The following MCM9 variants were observed in gnomAD, a reference collection of about 807,000 sequenced individuals.
The protein encoded by MCM9 is minichromosome maintenance 9 homologous recombination repair factor.
In MCM9, 55 loss-of-function variants were observed where a neutral mutation model predicts 72.8. That is an observed-to-expected ratio of 0.76 (90% CI 0.61 to 0.95). The LOEUF (loss-of-function observed/expected upper bound fraction) is 0.95. MCM9 is among the 40% of genes least tolerant of loss of function. The pLI, the probability that MCM9 is intolerant of heterozygous loss-of-function variation, is 0.00. For synonymous variants in MCM9, 480 were observed against 503.4 expected (o/e 0.95, Z 0.62); for missense variants, 1,279 against 1,377.0 (o/e 0.93, Z 1.13).
At chr6:118,836,188 G>A (rs1774944265) in intron 9 of MCM9, among the ~76,000 whole-genome samples, 1 of 152,178 alleles carries the variant, frequency 6.6e-6, no homozygotes, top group African/African-American at 2.4e-5. Context: ...TTGCATCCCA[G>A]GGATGAAGCC....
intron 8 of MCM9, among the ~76,000 whole-genome samples, chr6:118,877,886 G>GT (rs1341740873): frequency 1.3e-5 from 2 of 152,210 alleles, no homozygotes; most frequent in Admixed American, 1.3e-4. Context: ...TACTAGGCCT[G>GT]GTGTGGTGGC....
Position 118,816,076 on chromosome 6 carries a change from CTTG to C in MCM9, c.2177_2179del (p.Thr726del). The C allele has an allele frequency of 1.3e-6, 2 of 1,550,082 alleles. No homozygotes were observed. Among genetic ancestry groups the C allele is most frequent in the South Asian group, 1.2e-5 (1 of 84,016 alleles). ...TTTGTGCTGAGCTGAATGTTTCCTA[CTTG>C]TTGATCTATTAGGCTCCAGATGCGG... is the stretch of plus-strand genomic sequence containing the variant. On this transcript the variant is annotated inframe_deletion, in exon 14 of 14. Coordinates refer to ENST00000619706, the MANE Select transcript of MCM9 (RefSeq NM_017696.3).
chr6:118,866,971 T>A (rs142017709), intron 8 of MCM9, among the ~76,000 whole-genome samples: 20 of 151,898 alleles, frequency 1.3e-4, no homozygotes, highest in Non-Finnish European at 2.9e-4. Flanking sequence ...CATAAGACTA[T>A]CAGTGGATTT....
intron 8 of MCM9, among the ~76,000 whole-genome samples, chr6:118,864,686 G>A (rs1777109998): frequency 6.6e-6 from 1 of 152,154 alleles, no homozygotes; most frequent in South Asian, 2.1e-4. Context: ...AAGAGGATTT[G>A]TACTCACATG....
chr6:118,832,623 A>G (rs1343892041), intron 9 of MCM9, among the ~76,000 whole-genome samples: 2 of 152,238 alleles, frequency 1.3e-5, no homozygotes, highest in African/African-American at 2.4e-5. Flanking sequence ...TGAAAAAACT[A>G]CTTTTACATT....
At chr6:118,859,015 T>C (rs1333699237) in intron 8 of MCM9, among the ~76,000 whole-genome samples, 2 of 152,152 alleles carry the variant, frequency 1.3e-5, no homozygotes, top group African/African-American at 4.8e-5. Context: ...CATGACATAC[T>C]ACAAAGCTAC....
At chr6:118,871,699 G>A (rs1048714828) in intron 8 of MCM9, among the ~76,000 whole-genome samples, 7 of 152,150 alleles carry the variant, frequency 4.6e-5, no homozygotes, top group Admixed American at 4.6e-4. Context: ...GGCAGATCAC[G>A]AGGTCAGGAG....
At chr6:118,834,638 G>A (rs2114582828) in intron 9 of MCM9, among the ~76,000 whole-genome samples, 1 of 151,646 alleles carries the variant, frequency 6.6e-6, no homozygotes, top group Non-Finnish European at 1.5e-5. Context: ...ACGTTTGTTG[G>A]CCATATAAAT....
Position 118,814,859 on chromosome 6 carries a change from A to G in MCM9, c.3397T>C (p.Cys1133Arg). The G allele has an allele frequency of 6.5e-7, 1 of 1,527,614 alleles. No individual in the cohort carries two copies. The highest frequency in any genetic ancestry group is 8.8e-7 in the Non-Finnish European group (1 of 1,136,582). 94.6% of individuals were successfully genotyped at this position (1,527,614 alleles called of 1,614,324 possible). The change falls in exon 14 of 14, where the codon TGT (cysteine) becomes CGT (arginine). Residue 1133 changes from cysteine to arginine, a missense_variant. Physicochemically the swap from Cys to Arg is radical, Grantham distance 180 (BLOSUM62 -3). Coordinates refer to ENST00000619706, the MANE Select transcript of MCM9 (RefSeq NM_017696.3). ...LPELGDEAFD[C>R]DWDEEMRKKS The stretch of plus-strand genomic sequence containing the variant: ...TTTCTCATCTCTTCATCCCAGTCAC[A>G]ATCAAATGCTTCATCACCTAGTTCT...
intron 9 of MCM9, among the ~76,000 whole-genome samples, chr6:118,839,239 T>C (rs191092519): frequency 6.6e-6 from 1 of 152,096 alleles, no homozygotes; most frequent in East Asian, 2.0e-4. Flanking sequence ...TCCGTATGCT[T>C]CATGAAGTTC....
At chr6:118,829,520 C>G (rs770366387) in intron 9 of MCM9, among the ~76,000 whole-genome samples, 1 of 152,170 alleles carries the variant, frequency 6.6e-6, no homozygotes, top group Non-Finnish European at 1.5e-5. Context: ...TAAGAAGTAT[C>G]CAAAATTAAA....
intron 8 of MCM9, among the ~76,000 whole-genome samples, chr6:118,884,382 T>TAAA (rs1297158930): frequency 6.6e-6 from 1 of 152,050 alleles, no homozygotes; most frequent in African/African-American, 2.4e-5. Context: ...ACTGATACAT[T>TAAA]AAGTAAGCCC....
intron 9 of MCM9, among the ~76,000 whole-genome samples, chr6:118,829,660 A>AAAGATGAAC (rs1447900761): frequency 6.6e-6 from 1 of 152,236 alleles, no homozygotes; most frequent in Middle Eastern, 3.2e-3. Context: ...TGTGGATAGA[A>AAAGATGAAC]AAGATGAACA....
Position 118,916,781 on chromosome 6 carries a change from C to T in MCM9, c.904+780G>A, listed in dbSNP as rs138577465. 9.9e-4 allele frequency among the ~76,000 whole-genome samples: 151 copies of T among 152,216 alleles called. No individual in the cohort carries two copies. In the Middle Eastern group the frequency reaches 0.01, roughly 10 times the overall value. The stretch of plus-strand genomic sequence containing the variant: ...CCTCTCCAAGTGCTGGGATTACAGG[C>T]GTGAGCCACCATGCCCAGCTAGAAG... On this transcript the variant is annotated intron_variant, in intron 6 of 13. Coordinates refer to ENST00000619706, the MANE Select transcript of MCM9 (RefSeq NM_017696.3).
intron 9 of MCM9, among the ~76,000 whole-genome samples, chr6:118,849,481 T>C (rs965808792): frequency 6.6e-6 from 1 of 151,578 alleles, no homozygotes; most frequent in African/African-American, 2.4e-5. Context: ...ATATTCTCAT[T>C]ATACAGAATA....
chr6:118,914,446 T>C (rs1780781396), intron 6 of MCM9, among the ~76,000 whole-genome samples: 5 of 152,184 alleles, frequency 3.3e-5, no homozygotes, highest in Admixed American at 2.6e-4. Flanking sequence ...TGAATCAACA[T>C]TGATTCAGTG....
rs955504831 is a variant in MCM9 at position 118,844,409 on chromosome 6, G to A, written c.1325+11962C>T. On this transcript the variant is annotated intron_variant, in intron 9 of 13. Coordinates refer to ENST00000619706, the MANE Select transcript of MCM9 (RefSeq NM_017696.3). ...GTGGAACTTTTAGAGTGTTTTCACTGGTTCCCACCACCAAACAGATGATAG... is the reference window on the plus strand; with the variant it reads ...GTGGAACTTTTAGAGTGTTTTCACTAGTTCCCACCACCAAACAGATGATAG... Among the ~76,000 whole-genome samples the A allele has an allele frequency of 2.6e-5, 4 of 151,564 alleles. No individual in the cohort carries two copies. The East Asian group carries it at 7.7e-4, about 29-fold the overall frequency.
chr6:118,899,717 C>T (rs747764193), intron 8 of MCM9, among the ~76,000 whole-genome samples: 2 of 152,148 alleles, frequency 1.3e-5, no homozygotes, highest in Non-Finnish European at 2.9e-5. Context: ...GTTACTATTT[C>T]TATTATCAAT....
intron 8 of MCM9, among the ~76,000 whole-genome samples, chr6:118,871,844 T>C (rs1487420655): frequency 6.6e-6 from 1 of 151,704 alleles, no homozygotes; most frequent in African/African-American, 2.4e-5. Flanking sequence ...GAGGCAAAGG[T>C]TGCAGTCAGC....
Sources: gnomAD v4.1 joint callset for allele counts (sites outside exome capture counted in the v4.1 genomes callset) on GRCh38, gnomAD v4.1.1 for gene constraint, MANE v1.5 for transcripts, NCBI Gene and HGNC (gene_info 2026-07-23, HGNC 2026-07-21) for gene names.